Variants in AADAT observed in about 807,000 individuals in gnomAD.
AADAT encodes kynurenine/alpha-aminoadipate aminotransferase, mitochondrial.
A neutral mutation model predicts 56.2 loss-of-function variants in AADAT; 25 were observed. The ratio of observed to expected loss-of-function variants is 0.44; its 90% CI spans 0.32 to 0.62. The LOEUF (loss-of-function observed/expected upper bound fraction) is 0.62. Among genes scored for constraint, AADAT ranks in the 20% least tolerant of loss-of-function variants. The pLI is 0.04. For synonymous variants in AADAT, 173 were observed against 164.7 expected, an observed-to-expected ratio of 1.05 and a Z score of -0.39; for missense variants, 387 against 510.5, an observed-to-expected ratio of 0.76 and a Z score of 2.33.
chr4:170,070,684 T>A, intron 5 of AADAT, 32 bp from the exon 6 acceptor site: 1 of 1,384,886 alleles, frequency 7.2e-7, no homozygotes, highest in Non-Finnish European at 1.0e-6. Flanking sequence ...GTTTATTTCT[T>A]AATCTATTTA....
chr4:170,074,221 T>G (rs2111176449), intron 4 of AADAT, among the ~76,000 whole-genome samples: 1 of 152,250 alleles, frequency 6.6e-6, no homozygotes, highest in East Asian at 1.9e-4. Context: ...ACTTTCATTT[T>G]AGATTCAAGG....
Position 170,070,600 on chromosome 4 carries a change from A to T in AADAT, c.707T>A (p.Leu236His). 6.3e-7 allele frequency: 1 copy of T among 1,582,672 alleles called. No homozygotes were observed. Residue 236 changes from leucine (L) to histidine (H), a missense_variant, in exon 6 of 13, where the codon CTC (leucine) becomes CAC (histidine). Coordinates refer to ENST00000337664, the MANE Select transcript of AADAT (RefSeq NM_016228.4). ...ATAATCACTTACCTTGTTAAACTGG[A>T]GAAAATAGTAAGGATCATCTTCTAT... ...LIIEDDPYYF[L>H]QFNKFRVPTF...
At position 170,078,498 on chromosome 4, in the gene AADAT, T is replaced by G. The variant is rs755768670; in HGVS notation, c.444+11A>C. ...ACAAGAGAGTTGCCTTTAGTAAAAA[T>G]GTATACTCACACTTTGAAGAGTTCC... On this transcript the variant is annotated intron_variant, in intron 4 of 12. Coordinates refer to ENST00000337664, the MANE Select transcript of AADAT (RefSeq NM_016228.4). 1.3e-6 allele frequency: 2 copies of G among 1,575,420 alleles called. No homozygotes were observed. The highest frequency in any genetic ancestry group is 1.7e-6 in the Non-Finnish European group (2 of 1,151,574).
chr4:170,073,974 G>C (rs1489723125), intron 4 of AADAT, among the ~76,000 whole-genome samples: 2 of 152,144 alleles, frequency 1.3e-5, no homozygotes, highest in Non-Finnish European at 2.9e-5. Context: ...GCTTGTGGTT[G>C]TCTATGTCTC....
upstream of AADAT, among the ~76,000 whole-genome samples, chr4:170,093,025 GGTAAATT>G (rs1387432425): frequency 1.3e-5 from 2 of 152,092 alleles, no homozygotes; most frequent in South Asian, 4.1e-4. Flanking sequence ...TGTAGATCAA[GGTAAATT>G]GTAACTTGTA....
chr4:170,070,887 C>A (rs991215529), intron 5 of AADAT, among the ~76,000 whole-genome samples: 8 of 152,094 alleles, frequency 5.3e-5, no homozygotes, highest in Admixed American at 2.6e-4. Context: ...GGATCATGAG[C>A]AGAATAAACA....
intron 5 of AADAT, among the ~76,000 whole-genome samples, 177 bp from the exon 6 acceptor site, chr4:170,070,829 C>T (rs181293988): frequency 1.7e-3 from 254 of 152,304 alleles, no homozygotes; most frequent in African/African-American, 5.7e-3. Flanking sequence ...CTCTTATTCT[C>T]ACAGAAGTTA....
At chr4:170,075,728 T>C (rs1478186366) in intron 4 of AADAT, among the ~76,000 whole-genome samples, 2 of 152,216 alleles carry the variant, frequency 1.3e-5, no homozygotes, top group Non-Finnish European at 2.9e-5. Context: ...ACTCTGTACC[T>C]ATTAATCAAT....
intron 1 of AADAT, chr4:170,089,346 C>T (rs1311273263): frequency 1.5e-5 from 9 of 583,004 alleles, no homozygotes; most frequent in Non-Finnish European, 2.8e-5. Context: ...ATAGCACGCC[C>T]CCTCCCTTCC....
upstream of AADAT, among the ~76,000 whole-genome samples, chr4:170,094,194 G>A (rs1400768883): frequency 6.6e-6 from 1 of 152,196 alleles, no homozygotes; most frequent in East Asian, 1.9e-4. Flanking sequence ...GGCACTGGGG[G>A]GTCATGATCA....
In AADAT at chr4:170,066,207, G is replaced by A. The variant is rs1731452747; in HGVS notation, c.1027+207C>T. On this transcript the variant is annotated intron_variant, in intron 10 of 12. Coordinates refer to ENST00000337664, the MANE Select transcript of AADAT (RefSeq NM_016228.4). ...TTTTTTTTTTAATCACAAATTCTTTGCAGCAGACAGGTAAAGTGGATAGGA... is the reference window on the plus strand; with the variant it reads ...TTTTTTTTTTAATCACAAATTCTTTACAGCAGACAGGTAAAGTGGATAGGA... Among the ~76,000 whole-genome samples, 3 of 151,384 alleles carry A rather than the reference G, an allele frequency of 2.0e-5. No homozygotes were observed. The South Asian group carries it at 6.3e-4, about 32-fold the overall frequency.
At chr4:170,090,058 C>T (rs147839538), upstream of AADAT, 5,126 of 152,562 alleles carry the variant, frequency 0.034, 112 homozygotes, top group Middle Eastern at 0.076. Flanking sequence ...GCGCGCCTCC[C>T]CGTCCCGGAT....
intron 3 of AADAT, among the ~76,000 whole-genome samples, chr4:170,079,007 G>C (rs1732168891): frequency 2.6e-5 from 4 of 152,184 alleles, no homozygotes; most frequent in Admixed American, 2.6e-4. Context: ...CCAGGCCTGT[G>C]TAAAGTGTCA....
intron 5 of AADAT, among the ~76,000 whole-genome samples, chr4:170,071,873 G>C (rs2111168078): frequency 1.3e-5 from 2 of 152,254 alleles, no homozygotes; most frequent in South Asian, 4.1e-4. Flanking sequence ...GGAACGACAG[G>C]AATAAAGGGT....
chr4:170,092,124 G>A (rs2111228407), upstream of AADAT, among the ~76,000 whole-genome samples: 1 of 152,358 alleles, frequency 6.6e-6, no homozygotes, highest in East Asian at 1.9e-4. Flanking sequence ...TGTGGATGGG[G>A]CCAGATAAGA....
At position 170,081,712 on chromosome 4, in the gene AADAT, G is replaced by C. The variant is rs183586286; in HGVS notation, c.370-3129C>G. ...CTAAGAATATACATATATTTTTATT[G>C]ATTGATTGACTGAGATGGGGCCTCG... On this transcript the variant is annotated intron_variant, in intron 3 of 12. Coordinates refer to ENST00000337664, the MANE Select transcript of AADAT (RefSeq NM_016228.4). Among the ~76,000 whole-genome samples the C allele has an allele frequency of 4.1e-3, 619 of 152,206 alleles. 2 individuals carry two copies. Among genetic ancestry groups the C allele is most frequent in the African/African-American group, 0.013 (522 of 41,528 alleles).
At position 170,078,635 on chromosome 4, in the gene AADAT, T is replaced by C. The variant is rs745665408; in HGVS notation, c.370-52A>G. ...GTTAGTCAGCATAGGTTAGTACTGT[T>C]TCCATGCTCAGAAGCCCATTTTTTA... On this transcript the variant is annotated intron_variant, in intron 3 of 12. Coordinates refer to ENST00000337664, the MANE Select transcript of AADAT (RefSeq NM_016228.4). 10 of 1,312,776 alleles carry C rather than the reference T, an allele frequency of 7.6e-6. No homozygotes were observed. The South Asian group carries it at 1.4e-4, about 19-fold the overall frequency. The allele number at this position is 1,312,776 out of a possible 1,614,324, so 81.3% of individuals were successfully genotyped here.
At position 170,069,426 on chromosome 4, in the gene AADAT, A is replaced by G. The variant is rs530393198; in HGVS notation, c.721-196T>C. Among the ~76,000 whole-genome samples, 12 of 152,334 alleles carry G rather than the reference A, an allele frequency of 7.9e-5. No homozygotes were observed. In the South Asian group the frequency reaches 2.5e-3, roughly 32 times the overall value. ...CTTTTATTAGCATCTGCTTGTCTTC[A>G]TGGCTTTTCTGCCAAAAACACACAC... On this transcript the variant is annotated intron_variant, in intron 6 of 12. Transcript: ENST00000337664.
In AADAT at chr4:170,061,874, G is replaced by A. The variant is rs765462648; in HGVS notation, c.1236+18C>T. 5 of 1,578,908 alleles carry A rather than the reference G, an allele frequency of 3.2e-6. No homozygotes were observed. Among genetic ancestry groups the A allele is most frequent in the Non-Finnish European group, 3.5e-6 (4 of 1,153,830 alleles). On this transcript the variant is annotated intron_variant, in intron 12 of 12. Coordinates refer to ENST00000337664, the MANE Select transcript of AADAT (RefSeq NM_016228.4). ...GAACTGCTAGCTAGTGTTACTCTGA[G>A]GAGAATACTACACTCACCACATCCA...
Sources: allele counts gnomAD v4.1 joint callset (sites outside exome capture counted in the v4.1 genomes callset), GRCh38; gene constraint gnomAD v4.1.1; transcripts MANE v1.5; gene names NCBI Gene and HGNC (gene_info 2026-07-23, HGNC 2026-07-21).